Variants in CES3 observed in about 807,000 individuals in gnomAD.
The protein encoded by CES3 is carboxylesterase 3.
In CES3, 49 loss-of-function variants were observed where a neutral mutation model predicts 57.6. That is an observed-to-expected ratio of 0.85 (90% CI 0.68 to 1.08). The LOEUF is 1.08. Ranked by LOEUF, CES3 falls within the 50% of genes least tolerant of loss-of-function variation. CES3 has a pLI of 0.00. For missense variants in CES3, 645 were observed against 742.0 expected (o/e 0.87, Z 1.52); for synonymous variants, 266 against 281.6 (o/e 0.94, Z 0.55).
chr16:66,967,706 T>G (rs1963756719), intron 8 of CES3: 47 of 985,000 alleles, frequency 4.8e-5, no homozygotes, highest in Non-Finnish European at 5.7e-5. Flanking sequence ...TTTTTCGTCT[T>G]GGCCCATTGC....
chr16:66,969,689 T>A lies in CES3; in HGVS notation c.1073T>A (p.Leu358His), dbSNP rs376214698. The A allele has an allele frequency of 3.7e-6, 6 of 1,613,100 alleles. No homozygotes were observed. In the African/African-American group the frequency reaches 8.0e-5, roughly 22 times the overall value. Residue 358 changes from leucine to histidine, a missense_variant, in exon 9 of 13, where the codon CTC becomes CAC. Leu to His is a moderately conservative substitution (Grantham distance 99). Transcript: ENST00000303334. ...TTGGTGTCCACACAGGGCTGGGGTC[T>A]CCTGGATACAATGGAGCAGATGAGC... is the stretch of plus-strand genomic sequence containing the variant. ...FSWLIPRGWG[L>H]LDTMEQMSRE...
rs1307922700 is a variant in CES3, at chr16:66,974,887, A to C, written c.*1838A>C. The C allele has an allele frequency of 3.3e-5, 5 of 152,314 alleles. No individual in the cohort carries two copies. The East Asian group carries it at 9.7e-4, about 29-fold the overall frequency. The allele number at this position is 152,314 out of a possible 1,614,324, so 9.4% of individuals were successfully genotyped here. A position where few individuals can be genotyped will look rare whatever the true frequency, so the allele number is the denominator to read the frequency against. ...GGGGACTTGGAGAACCTTTGTGTCC[A>C]CACTCTGTATCTAGCTAATCTAGTG... is the stretch of plus-strand genomic sequence containing the variant. On this transcript the variant is annotated 3_prime_UTR_variant, in exon 13 of 13. Transcript: ENST00000303334.
In CES3 at chr16:66,963,372, T is replaced by C. The variant is rs775804819; in HGVS notation, c.276T>C (p.Thr92=). The C allele has an allele frequency of 1.2e-6, 2 of 1,612,798 alleles. No individual in the cohort carries two copies. Among genetic ancestry groups the C allele is most frequent in the South Asian group, 1.1e-5 (1 of 91,086 alleles). The change falls in exon 2 of 13, where the codon ACT becomes ACC. Residue 92 remains threonine, a synonymous_variant. Coordinates refer to ENST00000303334, the MANE Select transcript of CES3 (RefSeq NM_024922.6). This position sits in a 1 kb window ranked among gnomAD's most constrained non-coding sequence, Gnocchi z 4.9. ...GGGAGGGTGTGCGGGATGCCAGCAC[T>C]GCGCCCCCAATGTGAGTAGTGCTGG... The part of the protein sequence containing the change: ...QPWEGVRDAS[T]APPMCLQDVE...
Position 66,973,862 on chromosome 16 carries a change from C to T in CES3, c.*813C>T, listed in dbSNP as rs1963887783. ...GACCCTCACCAATTCCAGCCCTGAC[C>T]CTCAGGACGCTGGATGCCAGCTCCC... is the stretch of plus-strand genomic sequence containing the variant. On this transcript the variant is annotated 3_prime_UTR_variant, in exon 13 of 13. Transcript: ENST00000303334. 1 of 152,414 alleles carries T rather than the reference C, an allele frequency of 6.6e-6. No individual in the cohort carries two copies. The highest frequency in any genetic ancestry group is 1.5e-5 in the Non-Finnish European group (1 of 68,254). 9.4% of individuals were successfully genotyped at this position (152,414 alleles called of 1,614,324 possible). A position where few individuals can be genotyped will look rare whatever the true frequency, so the allele number is the denominator to read the frequency against.
In CES3 at chr16:66,974,601, C is replaced by G; in HGVS notation, c.*1552C>G. 6.1e-6 allele frequency: 1 copy of G among 162,912 alleles called. No homozygotes were observed. Among genetic ancestry groups the G allele is most frequent in the Non-Finnish European group, 1.4e-5 (1 of 73,838 alleles). The allele number at this position is 162,912 out of a possible 1,614,324, so 10.1% of individuals were successfully genotyped here. On this transcript the variant is annotated 3_prime_UTR_variant, in exon 13 of 13. Coordinates refer to ENST00000303334, the MANE Select transcript of CES3 (RefSeq NM_024922.6). ...CCCAGTCCCATCGACCACCCAAGGGCTGAGGAGTGCGGGTGCACAGCGCGG... is the reference window on the plus strand; with the variant it reads ...CCCAGTCCCATCGACCACCCAAGGGGTGAGGAGTGCGGGTGCACAGCGCGG...
chr16:66,964,848 C>T lies in CES3; in HGVS notation c.819+121C>T, dbSNP rs1477208936. The T allele has an allele frequency of 1.2e-5, 8 of 678,108 alleles. No homozygotes were observed. In the East Asian group the frequency reaches 2.0e-4, roughly 17 times the overall value. 42.0% of individuals were successfully genotyped at this position (678,108 alleles called of 1,614,324 possible). On this transcript the variant is annotated intron_variant, in intron 6 of 12. Coordinates refer to ENST00000303334, the MANE Select transcript of CES3 (RefSeq NM_024922.6). Reference sequence around the variant, plus strand: ...GGAGCTCCCTGTTAGCAAAGAGAAGCCCAATAAGACGAAGGAGCATCAGAG... The same window carrying T: ...GGAGCTCCCTGTTAGCAAAGAGAAGTCCAATAAGACGAAGGAGCATCAGAG...
chr16:66,971,263 T>G lies in CES3; in HGVS notation c.1235T>G (p.Phe412Cys), dbSNP rs1337587143. 1 of 1,614,124 alleles carries G rather than the reference T, an allele frequency of 6.2e-7. No homozygotes were observed. Among genetic ancestry groups the G allele is most frequent in the Non-Finnish European group, 8.5e-7 (1 of 1,179,992 alleles). ...GCCAAATGCCAGGCGTTCCAGGAATTCATGGGTGACGTATTCATCAATGTT... is the reference window on the plus strand; with the variant it reads ...GCCAAATGCCAGGCGTTCCAGGAATGCATGGGTGACGTATTCATCAATGTT... ...AQAKCQAFQE[F>C]MGDVFINVPT... Residue 412 changes from phenylalanine to cysteine, a missense_variant, in exon 10 of 13, where the codon TTC (phenylalanine) becomes TGC (cysteine). Physicochemically the swap from Phe to Cys is radical, Grantham distance 205. Coordinates refer to ENST00000303334, the MANE Select transcript of CES3 (RefSeq NM_024922.6).
chr16:66,969,876 C>T lies in CES3; in HGVS notation c.1143+117C>T, dbSNP rs1423494329. The T allele has an allele frequency of 1.9e-5, 16 of 822,976 alleles. No homozygotes were observed. In the South Asian group the frequency reaches 2.5e-4, roughly 13 times the overall value. 51.0% of individuals were successfully genotyped at this position (822,976 alleles called of 1,614,324 possible). On this transcript the variant is annotated intron_variant, in intron 9 of 12. Coordinates refer to ENST00000303334, the MANE Select transcript of CES3 (RefSeq NM_024922.6). The stretch of plus-strand genomic sequence containing the variant: ...CCGACACCCACAGCTACCCACCTAC[C>T]ACCAAGCCCCTTTGTCTAACTGATC...
At chr16:66,961,532 G>T (rs1281358828) in intron 1 of CES3, 143 bp downstream of exon 1, 1 of 663,324 alleles carries the variant, frequency 1.5e-6, no homozygotes, top group Non-Finnish European at 2.7e-6. Context: ...CTCTGGGCAG[G>T]CGCTCTGCTC....
intron 9 of CES3, 87 bp downstream of exon 9, chr16:66,969,846 A>T: frequency 8.6e-7 from 1 of 1,159,774 alleles, no homozygotes; most frequent in East Asian, 2.6e-5. Flanking sequence ...CTCTGCCCCT[A>T]CCTTCCGACA....
Position 66,963,827 on chromosome 16 carries a change from C to A in CES3, c.452C>A (p.Ala151Asp). ...GTCATGGTATGGGTCCATGGAGGCG[C>A]TCTGATAACTGGCGCTGCCACCTCC... is the stretch of plus-strand genomic sequence containing the variant. ...RPVMVWVHGG[A>D]LITGAATSYD... The change falls in exon 4 of 13, where the codon GCT becomes GAT. Residue 151 changes from alanine to aspartate, a missense_variant. Transcript: ENST00000303334. The surrounding 1 kb of genome is among the most constrained non-coding windows in gnomAD (Gnocchi z 4.9). The A allele has an allele frequency of 1.9e-6, 3 of 1,614,166 alleles. No homozygotes were observed. Among genetic ancestry groups the A allele is most frequent in the Non-Finnish European group, 2.5e-6 (3 of 1,179,986 alleles).
chr16:66,968,267 C>A (rs775386395), intron 8 of CES3, among the ~76,000 whole-genome samples: 7 of 152,094 alleles, frequency 4.6e-5, no homozygotes, highest in Non-Finnish European at 5.9e-5. Flanking sequence ...CAGGTTCAAG[C>A]GATTCTCCTG....
chr16:66,965,799 G>C lies in CES3; in HGVS notation c.820-445G>C, dbSNP rs897972964. On this transcript the variant is annotated intron_variant, in intron 6 of 12. Coordinates refer to ENST00000303334, the MANE Select transcript of CES3 (RefSeq NM_024922.6). The stretch of plus-strand genomic sequence containing the variant: ...ACTAAAAATACAAAAAATTAGCCGG[G>C]CATGGTGGCAGGTGCCTGTAGTCCC... Among the ~76,000 whole-genome samples, 4 of 152,128 alleles carry C rather than the reference G, an allele frequency of 2.6e-5. 1 individual carries two copies. The highest frequency in any genetic ancestry group is 4.1e-4 in the South Asian group (2 of 4,824).
intron 4 of CES3, among the ~76,000 whole-genome samples, chr16:66,964,154 T>C (rs539669836): frequency 6.6e-5 from 10 of 152,310 alleles, no homozygotes; most frequent in African/African-American, 2.2e-4. Flanking sequence ...GCAGAGGGCA[T>C]TGATTCCTGG....
rs2145545646 is a variant in CES3 at position 66,974,791 on chromosome 16, A to C, written c.*1742A>C. On this transcript the variant is annotated 3_prime_UTR_variant, in exon 13 of 13. Coordinates refer to ENST00000303334, the MANE Select transcript of CES3 (RefSeq NM_024922.6). ...CTAGCTCAAGGTTTGTAAACACACC[A>C]ATCAGCACCCTGTGTCTAGCTCAGT... 6.6e-6 allele frequency: 1 copy of C among 152,504 alleles called. No individual in the cohort carries two copies. Among genetic ancestry groups the C allele is most frequent in the Non-Finnish European group, 1.5e-5 (1 of 68,190 alleles). 9.4% of individuals were successfully genotyped at this position (152,504 alleles called of 1,614,324 possible). A position where few individuals can be genotyped will look rare whatever the true frequency, so the allele number is the denominator to read the frequency against.
At chr16:66,962,691 G>A (rs1223778508) in intron 1 of CES3, among the ~76,000 whole-genome samples, 3 of 152,224 alleles carry the variant, frequency 2.0e-5, no homozygotes, top group Non-Finnish European at 2.9e-5. Flanking sequence ...GAGGTCAGGA[G>A]TTCGAGACCA....
chr16:66,970,533 C>T (rs890925002), intron 9 of CES3, among the ~76,000 whole-genome samples: 1 of 152,222 alleles, frequency 6.6e-6, no homozygotes, highest in African/African-American at 2.4e-5. Context: ...GACCCTAGAG[C>T]CTCAGCTGTC....
At chr16:66,965,488 T>C (rs1379203076) in intron 6 of CES3, among the ~76,000 whole-genome samples, 1 of 152,142 alleles carries the variant, frequency 6.6e-6, no homozygotes, top group Non-Finnish European at 1.5e-5. Flanking sequence ...TGGCCCCAGA[T>C]GGTGGCCAAG....
At chr16:66,971,454 AC>A in intron 10 of CES3, 135 bp downstream of exon 10, 1 of 821,734 alleles carries the variant, frequency 1.2e-6, no homozygotes, top group South Asian at 1.8e-5. Flanking sequence ...CCCCCACCAA[AC>A]CTATCTTTCT....
Sources: allele counts gnomAD v4.1 joint callset (sites outside exome capture counted in the v4.1 genomes callset), GRCh38; gene constraint gnomAD v4.1.1; non-coding constraint Gnocchi (gnomAD v3.1); transcripts MANE v1.5; gene names NCBI Gene and HGNC (gene_info 2026-07-23, HGNC 2026-07-21).